CADPS: variants seen among roughly 807,000 people sequenced by gnomAD.
CADPS encodes calcium dependent secretion activator.
In CADPS, 57 loss-of-function variants were observed where a neutral mutation model predicts 167.3. The observed-to-expected ratio is 0.34, with a 90% CI of 0.28 to 0.42. CADPS has a LOEUF of 0.42. Ranked by LOEUF, CADPS falls within the 20% of genes least tolerant of loss-of-function variation. The probability of loss-of-function intolerance (pLI) is 1.00; values close to 1 mark genes in which losing one functional copy is unlikely to be tolerated. For missense variants in CADPS, 1,414 were observed against 1,738.1 expected (o/e 0.81, Z 3.32); for synonymous variants, 676 against 635.3 (o/e 1.06, Z -0.96).
chr3:62,615,396 A>G (rs753699281), intron 6 of CADPS, among the ~76,000 whole-genome samples: 2 of 152,222 alleles, frequency 1.3e-5, no homozygotes, highest in Non-Finnish European at 2.9e-5. Flanking sequence ...ACTTCCCAGC[A>G]AATGATGATG....
intron 1 of CADPS, among the ~76,000 whole-genome samples, chr3:62,783,323 C>T (rs1234142816): frequency 1.3e-5 from 2 of 151,788 alleles, no homozygotes; most frequent in East Asian, 3.9e-4. Context: ...CTATTGTTTC[C>T]TTCTACAGAC....
chr3:62,821,112 T>C (rs2094895160), intron 1 of CADPS, among the ~76,000 whole-genome samples: 1 of 152,144 alleles, frequency 6.6e-6, no homozygotes, highest in Non-Finnish European at 1.5e-5. Flanking sequence ...TTCCTCATCT[T>C]AAACATCCCT....
chr3:62,580,375 G>C (rs981965729), intron 8 of CADPS, among the ~76,000 whole-genome samples: 1 of 152,030 alleles, frequency 6.6e-6, no homozygotes, highest in African/African-American at 2.4e-5. Flanking sequence ...TCATAGATCG[G>C]AATTGAACAA....
At chr3:62,752,031 T>A (rs2082821228) in intron 3 of CADPS, among the ~76,000 whole-genome samples, 2 of 152,110 alleles carry the variant, frequency 1.3e-5, no homozygotes, top group South Asian at 4.1e-4. Flanking sequence ...CTAGAATAAT[T>A]TTGTACCTAG....
At chr3:62,863,524 C>A (rs540890888) in intron 1 of CADPS, among the ~76,000 whole-genome samples, 5 of 152,172 alleles carry the variant, frequency 3.3e-5, no homozygotes, top group African/African-American at 1.2e-4. Flanking sequence ...GCTTTTCAAG[C>A]AGGAGTGCAA....
intron 29 of CADPS, among the ~76,000 whole-genome samples, chr3:62,402,711 G>T (rs796361698): frequency 1.4e-4 from 21 of 152,256 alleles, no homozygotes; most frequent in African/African-American, 5.1e-4. Context: ...AATTAATAGC[G>T]GCAACATTTT....
chr3:62,810,910 G>A (rs941914959), intron 1 of CADPS, among the ~76,000 whole-genome samples: 1 of 152,224 alleles, frequency 6.6e-6, no homozygotes, highest in Non-Finnish European at 1.5e-5. Context: ...CAGTTAAGCT[G>A]AGCTTTCTTT....
chr3:62,873,308 G>A (rs990298509), intron 1 of CADPS, among the ~76,000 whole-genome samples: 7 of 152,210 alleles, frequency 4.6e-5, no homozygotes, highest in Non-Finnish European at 8.8e-5. Context: ...TGCTACTACA[G>A]CAACATGTAA....
chr3:62,833,067 C>T (rs1217203315), intron 1 of CADPS, among the ~76,000 whole-genome samples: 1 of 152,046 alleles, frequency 6.6e-6, no homozygotes. Flanking sequence ...TCTTTTTGGC[C>T]CCAGTTCTCT....
At chr3:62,698,849 C>T (rs773783095) in intron 3 of CADPS, among the ~76,000 whole-genome samples, 54 of 149,742 alleles carry the variant, frequency 3.6e-4, no homozygotes, top group Non-Finnish European at 6.8e-4. Flanking sequence ...AAGCAATCCT[C>T]CTGCCTCAGC....
chr3:62,776,463 G>C (rs1197933687), intron 1 of CADPS, among the ~76,000 whole-genome samples: 1 of 152,144 alleles, frequency 6.6e-6, no homozygotes, highest in Non-Finnish European at 1.5e-5. Flanking sequence ...GACCATCCTG[G>C]CTAACACGGT....
At chr3:62,447,620 G>C (rs1259686501) in intron 26 of CADPS, among the ~76,000 whole-genome samples, 2 of 152,144 alleles carry the variant, frequency 1.3e-5, no homozygotes, top group African/African-American at 4.8e-5. Context: ...CTGGCCTCAG[G>C]ATGATTGAGA....
intron 28 of CADPS, among the ~76,000 whole-genome samples, chr3:62,407,292 G>A (rs1708870177): frequency 6.6e-6 from 1 of 152,196 alleles, no homozygotes; most frequent in African/African-American, 2.4e-5. Flanking sequence ...GAATATTTCT[G>A]GAATTGTATG....
intron 17 of CADPS, among the ~76,000 whole-genome samples, chr3:62,500,808 CA>C (rs200535689): frequency 6.0e-5 from 9 of 149,728 alleles, no homozygotes; most frequent in Admixed American, 4.6e-4. Flanking sequence ...TGCTAATTTA[CA>C]AAAAAAAAGG....
chr3:62,582,725 C>A (rs2083683942), intron 8 of CADPS, among the ~76,000 whole-genome samples: 1 of 152,144 alleles, frequency 6.6e-6, no homozygotes, highest in African/African-American at 2.4e-5. Context: ...TATCTCCTGG[C>A]AGGGGTAATT....
intron 26 of CADPS, among the ~76,000 whole-genome samples, chr3:62,447,981 C>G (rs6767184): frequency 0.61 from 92,258 of 151,810 alleles, 29,007 homozygotes; most frequent in Middle Eastern, 0.74. Context: ...TTTAAGCCAC[C>G]CTGCAAAAAG....
intron 17 of CADPS, among the ~76,000 whole-genome samples, chr3:62,504,895 A>C (rs1292658092): frequency 6.6e-6 from 1 of 151,992 alleles, no homozygotes; most frequent in East Asian, 1.9e-4. Flanking sequence ...AACCTGACCA[A>C]CTCTGGCTCT....
intron 3 of CADPS, among the ~76,000 whole-genome samples, chr3:62,725,822 A>T (rs2076650242): frequency 6.6e-6 from 1 of 151,872 alleles, no homozygotes; most frequent in Non-Finnish European, 1.5e-5. Flanking sequence ...GGAAACATTT[A>T]TCATGGCATT....
intron 3 of CADPS, among the ~76,000 whole-genome samples, chr3:62,709,042 TA>T (rs2151749073): frequency 6.7e-6 from 1 of 150,100 alleles, no homozygotes; most frequent in Non-Finnish European, 1.5e-5. Context: ...TGAAGGTACT[TA>T]TAAGAGCCTA....
Sources: allele counts gnomAD v4.1 joint callset (sites outside exome capture counted in the v4.1 genomes callset), GRCh38; gene constraint gnomAD v4.1.1; transcripts MANE v1.5; gene names NCBI Gene and HGNC (gene_info 2026-07-23, HGNC 2026-07-21).